KATNA1: variants seen among roughly 807,000 people sequenced by gnomAD.
KATNA1 encodes the protein katanin p60 ATPase-containing subunit A1.
A neutral mutation model predicts 62.6 loss-of-function variants in KATNA1; 42 were observed. The ratio of observed to expected loss-of-function variants is 0.67; its 90% CI spans 0.52 to 0.87. The LOEUF (loss-of-function observed/expected upper bound fraction) is 0.87, where lower values mean the gene tolerates loss of function less well. KATNA1 is among the 40% of genes least tolerant of loss of function. The pLI, the probability that KATNA1 is intolerant of heterozygous loss-of-function variation, is 0.00. For synonymous variants in KATNA1, 186 were observed against 201.9 expected (o/e 0.92, Z 0.67); for missense variants, 498 against 612.5 (o/e 0.81, Z 1.97).
rs778353084 is a variant in KATNA1, at chr6:149,604,794, G to GA, written c.502-13dup. The GA allele has an allele frequency of 1.1e-5, 17 of 1,602,350 alleles. No individual in the cohort carries two copies. The highest frequency in any genetic ancestry group is 1.4e-5 in the Non-Finnish European group (16 of 1,177,116). ...GCAGGTGATTTGTTCTACATGAAGAGAAAAAAACAAGCGCTTTTGATTCAT... is the reference window on the plus strand; with the variant it reads ...GCAGGTGATTTGTTCTACATGAAGAGAAAAAAAACAAGCGCTTTTGATTCAT... On this transcript the variant is annotated splice_polypyrimidine_tract_variant and intron_variant, in intron 4 of 10. Coordinates refer to ENST00000367411, the MANE Select transcript of KATNA1 (RefSeq NM_007044.4).
chr6:149,618,752 G>T (rs1260973615), intron 4 of KATNA1, among the ~76,000 whole-genome samples: 3 of 152,126 alleles, frequency 2.0e-5, no homozygotes, highest in African/African-American at 7.2e-5. Context: ...TTAATAAGTG[G>T]TGCTGAGAAA....
At chr6:149,599,709 G>T (rs1481254356) in intron 7 of KATNA1, among the ~76,000 whole-genome samples, 1 of 151,858 alleles carries the variant, frequency 6.6e-6, no homozygotes, top group Non-Finnish European at 1.5e-5. Flanking sequence ...GTAGAGACGG[G>T]GTTTCATCAT....
intron 4 of KATNA1, among the ~76,000 whole-genome samples, chr6:149,607,902 C>T (rs1263680294): frequency 6.6e-6 from 1 of 152,044 alleles, no homozygotes; most frequent in East Asian, 1.9e-4. Context: ...CCCGTCTCTA[C>T]TAACAATACA....
intron 8 of KATNA1, 111 bp from the exon 9 acceptor site, chr6:149,597,752 C>T: frequency 2.0e-6 from 2 of 993,734 alleles, no homozygotes; most frequent in South Asian, 3.2e-5. Context: ...CAAGGAAGCA[C>T]AGTCTTAATG....
chr6:149,628,866 A>T (rs1779725230), intron 3 of KATNA1, among the ~76,000 whole-genome samples: 1 of 152,044 alleles, frequency 6.6e-6, no homozygotes, highest in Non-Finnish European at 1.5e-5. Context: ...AAGCATGAGT[A>T]CAAATAAAGA....
At position 149,601,648 on chromosome 6, in the gene KATNA1, C is replaced by T; in HGVS notation, c.834G>A (p.Leu278=). The change falls in exon 7 of 11, where the codon TTG becomes TTA. Residue 278 remains leucine, a synonymous_variant. Coordinates refer to ENST00000367411, the MANE Select transcript of KATNA1 (RefSeq NM_007044.4). ...TTFFNVSSST[L]TSKYRGESEK... Reference sequence around the variant, plus strand: ...CAGATTCTCCTCTGTATTTGGAAGTCAAAGTTGATGAAGAGACATTGAAGA... The same window carrying T: ...CAGATTCTCCTCTGTATTTGGAAGTTAAAGTTGATGAAGAGACATTGAAGA... 6.2e-7 allele frequency: 1 copy of T among 1,612,734 alleles called. No individual in the cohort carries two copies. The highest frequency in any genetic ancestry group is 8.5e-7 in the Non-Finnish European group (1 of 1,179,642).
At chr6:149,632,117 G>C (rs1301896740) in intron 3 of KATNA1, among the ~76,000 whole-genome samples, 1 of 152,110 alleles carries the variant, frequency 6.6e-6, no homozygotes, top group Non-Finnish European at 1.5e-5. Context: ...GGCCTGGCTG[G>C]GCACGGTGGC....
Position 149,604,664 on chromosome 6 carries a change from C to T in KATNA1, c.620G>A (p.Arg207Gln), listed in dbSNP as rs1358217928. Reference sequence around the variant, plus strand: ...ATTTGGTTGTGATATAACTTACCATCGAACATTGGGATTCTGGGAAATTAT... The same window carrying T: ...ATTTGGTTGTGATATAACTTACCATTGAACATTGGGATTCTGGGAAATTAT... ...RDIISQNPNV[R>Q]WDDIADLVEA... Residue 207 changes from arginine to glutamine, a missense_variant, in exon 5 of 11, where the codon CGA becomes CAA. Arg to Gln is a conservative substitution (Grantham distance 43). Around this residue, in one of 3 missense-constraint regions of KATNA1, gnomAD observed 267 missense variants for 372.6 expected, o/e 0.72. Transcript: ENST00000367411. 3.1e-6 allele frequency: 5 copies of T among 1,613,594 alleles called. No individual in the cohort carries two copies. Among genetic ancestry groups the T allele is most frequent in the South Asian group, 1.1e-5 (1 of 91,076 alleles).
At chr6:149,624,705 G>T (rs1466871454) in intron 3 of KATNA1, among the ~76,000 whole-genome samples, 1 of 151,950 alleles carries the variant, frequency 6.6e-6, no homozygotes, top group African/African-American at 2.4e-5. Context: ...TTCTATAACA[G>T]AATTCAGACT....
intron 4 of KATNA1, among the ~76,000 whole-genome samples, chr6:149,618,014 G>T (rs1312111964): frequency 6.8e-6 from 1 of 146,194 alleles, no homozygotes; most frequent in Non-Finnish European, 1.5e-5. Context: ...AATTAGCTGG[G>T]CATGGTGGCA....
At chr6:149,597,984 A>G (rs1344348458) in intron 8 of KATNA1, 12 of 505,616 alleles carry the variant, frequency 2.4e-5, no homozygotes, top group Non-Finnish European at 4.2e-5. Context: ...AGATAGTTGT[A>G]TATACCAAAA....
chr6:149,632,121 C>T (rs9688794), intron 3 of KATNA1, among the ~76,000 whole-genome samples: 67,982 of 151,896 alleles, frequency 0.45, 16,274 homozygotes, highest in East Asian at 0.81. Flanking sequence ...TGGCTGGGCA[C>T]GGTGGCTCAG....
At position 149,595,219 on chromosome 6, in the gene KATNA1, C is replaced by T. The variant is rs1254177437; in HGVS notation, c.1293G>A (p.Met431Ile). Residue 431 changes from methionine to isoleucine, a missense_variant, in exon 11 of 11, where the codon ATG becomes ATA. This residue lies in a region of KATNA1 where 267 missense variants were observed against 372.6 expected (regional missense o/e 0.72). Coordinates refer to ENST00000367411, the MANE Select transcript of KATNA1 (RefSeq NM_007044.4). The part of the protein sequence containing the change: ...ITNVCRDASL[M>I]AMRRRIEGLT... ...AACCTTCAATGCGCCTTCTCATTGC[C>T]ATCAAGGACGCATCCCTAGGTTTTA... The T allele has an allele frequency of 6.2e-7, 1 of 1,613,832 alleles. No individual in the cohort carries two copies. The highest frequency in any genetic ancestry group is 8.5e-7 in the Non-Finnish European group (1 of 1,179,774).
intron 10 of KATNA1, 45 bp downstream of exon 10, chr6:149,597,018 G>C: frequency 6.3e-7 from 1 of 1,598,662 alleles, no homozygotes; most frequent in Non-Finnish European, 8.5e-7. Context: ...CTTCATACTA[G>C]AAGTTTATGC....
intron 3 of KATNA1, among the ~76,000 whole-genome samples, chr6:149,624,801 G>A (rs556508996): frequency 1.3e-4 from 20 of 151,500 alleles, no homozygotes; most frequent in Non-Finnish European, 2.5e-4. Flanking sequence ...CAAAAAAGGA[G>A]TCCTATTCTC....
In KATNA1 at chr6:149,644,083, C is replaced by G. The variant is rs557524881; in HGVS notation, c.-14+4386G>C. Among the ~76,000 whole-genome samples, 12 of 152,160 alleles carry G rather than the reference C, an allele frequency of 7.9e-5. No homozygotes were observed. The East Asian group carries it at 2.3e-3, about 29-fold the overall frequency. ...TGATCCTCAGCTCATCCCTTCCAAG[C>G]TGGGATTACAGCTTGATTCTTGTGT... On this transcript the variant is annotated intron_variant, in intron 1 of 10. Coordinates refer to ENST00000367411, the MANE Select transcript of KATNA1 (RefSeq NM_007044.4).
At chr6:149,600,693 T>C (rs1035298403) in intron 7 of KATNA1, among the ~76,000 whole-genome samples, 3 of 149,898 alleles carry the variant, frequency 2.0e-5, no homozygotes, top group Non-Finnish European at 3.0e-5. Context: ...TCTAGCACTT[T>C]GGGAGTCTGA....
At chr6:149,640,737 T>C (rs888605625) in intron 1 of KATNA1, among the ~76,000 whole-genome samples, 5 of 151,892 alleles carry the variant, frequency 3.3e-5, no homozygotes, top group Non-Finnish European at 7.4e-5. Flanking sequence ...TTAGTAGAGA[T>C]AGGGTTTCAC....
At chr6:149,636,417 A>C (rs1780066150) in intron 2 of KATNA1, among the ~76,000 whole-genome samples, 1 of 151,820 alleles carries the variant, frequency 6.6e-6, no homozygotes, top group African/African-American at 2.4e-5. Context: ...GTAAAAAATA[A>C]ATAAATAAAA....
Sources: gnomAD v4.1 joint callset for allele counts (sites outside exome capture counted in the v4.1 genomes callset) on GRCh38, gnomAD v4.1.1 for gene constraint, gnomAD v4.1.1 regional missense constraint, MANE v1.5 for transcripts, NCBI Gene and HGNC (gene_info 2026-07-23, HGNC 2026-07-21) for gene names.